The following RANBP2 variants were observed in gnomAD, a reference collection of about 807,000 sequenced individuals.
RANBP2 encodes the protein RAN binding protein 2.
Under a neutral mutation model 303.6 loss-of-function variants are expected in RANBP2, and 57 were observed. The observed-to-expected ratio is 0.19, with a 90% CI of 0.15 to 0.23. The LOEUF (loss-of-function observed/expected upper bound fraction) is 0.23. Among genes scored for constraint, RANBP2 ranks in the 10% least tolerant of loss-of-function variants. RANBP2 has a pLI of 1.00. For synonymous variants in RANBP2, 1,167 were observed against 1,301.5 expected (o/e 0.90, Z 2.23); for missense variants, 3,138 against 3,780.8 (o/e 0.83, Z 4.46).
chr2:109,007,568 A>G, the RANBP2 span, among the ~76,000 whole-genome samples: 1 of 152,226 alleles, frequency 6.6e-6, no homozygotes, highest in Non-Finnish European at 1.5e-5. Context: ...GCTGTTCCAC[A>G]GATATCAGGA....
the RANBP2 span, among the ~76,000 whole-genome samples, chr2:109,722,001 G>A: frequency 6.6e-6 from 1 of 152,234 alleles, no homozygotes; most frequent in Non-Finnish European, 1.5e-5. Context: ...GGAACACAAG[G>A]AAGTCCTATT....
chr2:109,123,755 A>G, the RANBP2 span, among the ~76,000 whole-genome samples: 2 of 152,124 alleles, frequency 1.3e-5, no homozygotes, highest in Non-Finnish European at 2.9e-5. Flanking sequence ...CAGGATGGAG[A>G]GCATGGTGCT....
chr2:108,771,928 G>T, intron 21 of RANBP2, 57 bp downstream of exon 21: 1 of 1,605,324 alleles, frequency 6.2e-7, no homozygotes, highest in South Asian at 1.1e-5. Context: ...GTAAAATTGG[G>T]AGTATGGTTT....
At chr2:109,354,830 A>G in the RANBP2 span, among the ~76,000 whole-genome samples, 3 of 152,382 alleles carry the variant, frequency 2.0e-5, no homozygotes, top group East Asian at 5.8e-4. Context: ...AAGAGCTAGT[A>G]AATGAGTTTA....
chr2:109,051,009 C>T, the RANBP2 span, among the ~76,000 whole-genome samples: 1 of 152,106 alleles, frequency 6.6e-6, no homozygotes, highest in East Asian at 1.9e-4. Context: ...TTCCTCTGCC[C>T]CAGTTCTCCT....
chr2:109,693,363 G>C, the RANBP2 span, among the ~76,000 whole-genome samples: 1 of 151,860 alleles, frequency 6.6e-6, no homozygotes, highest in Non-Finnish European at 1.5e-5. Context: ...TAGTAGAGAC[G>C]GGGTTTCACT....
the RANBP2 span, among the ~76,000 whole-genome samples, chr2:109,062,970 G>T: frequency 6.6e-6 from 1 of 152,164 alleles, no homozygotes; most frequent in African/African-American, 2.4e-5. Flanking sequence ...CGCTGACCCT[G>T]TGCCAGAAGA....
At chr2:109,216,738 C>G in the RANBP2 span, among the ~76,000 whole-genome samples, 1 of 152,218 alleles carries the variant, frequency 6.6e-6, no homozygotes, top group African/African-American at 2.4e-5. Context: ...TTGCTAGGAC[C>G]TGATTTAAAT....
chr2:108,814,659 T>G, the RANBP2 span, among the ~76,000 whole-genome samples: 3 of 151,224 alleles, frequency 2.0e-5, no homozygotes, highest in Non-Finnish European at 4.4e-5. Context: ...TTTTTTAATT[T>G]ATTAATATTT....
At chr2:109,248,465 T>G in the RANBP2 span, among the ~76,000 whole-genome samples, 1 of 152,242 alleles carries the variant, frequency 6.6e-6, no homozygotes, top group Non-Finnish European at 1.5e-5. Flanking sequence ...ATTTTCTCAC[T>G]GCATCAAAGT....
chr2:109,279,713 C>T, the RANBP2 span, among the ~76,000 whole-genome samples: 12 of 151,848 alleles, frequency 7.9e-5, no homozygotes, highest in Non-Finnish European at 1.8e-4. Context: ...TGCCAGCTTG[C>T]GTTTCTTTTG....
At chr2:109,160,958 G>T in the RANBP2 span, among the ~76,000 whole-genome samples, 2 of 152,158 alleles carry the variant, frequency 1.3e-5, no homozygotes, top group Admixed American at 6.5e-5. Flanking sequence ...TGAGAGGAGG[G>T]CGTGGCAGGG....
the RANBP2 span, among the ~76,000 whole-genome samples, chr2:109,092,444 T>C: frequency 6.6e-6 from 1 of 152,226 alleles, no homozygotes; most frequent in Non-Finnish European, 1.5e-5. Context: ...TGTTTTGTTA[T>C]GTATATTTTG....
At chr2:109,620,851 A>G in the RANBP2 span, among the ~76,000 whole-genome samples, 1 of 152,354 alleles carries the variant, frequency 6.6e-6, no homozygotes, top group African/African-American at 2.4e-5. Context: ...GAGCAAATGA[A>G]TAGGGAAATG....
the RANBP2 span, chr2:109,614,699 C>G: frequency 1.3e-6 from 2 of 1,488,556 alleles, no homozygotes; most frequent in Non-Finnish European, 1.8e-6. Context: ...GCGTCGATCC[C>G]GCCGACGGCG....
Position 108,768,032 on chromosome 2 carries a change from C to T in RANBP2, c.7493C>T (p.Ser2498Phe). 1 of 1,611,996 alleles carries T rather than the reference C, an allele frequency of 6.2e-7. No homozygotes were observed. Among genetic ancestry groups the T allele is most frequent in the South Asian group, 1.1e-5 (1 of 90,984 alleles). The change falls in exon 20 of 29, where the codon TCT becomes TTT. Residue 2498 changes from serine to phenylalanine, a missense_variant. Ser to Phe is a radical substitution (Grantham distance 155). Transcript: ENST00000283195. ...GATGCAACTTCAGAAGTTGAAGTGTCTAGCACATCTGAAACAACACCAAAA... is the reference window on the plus strand; with the variant it reads ...GATGCAACTTCAGAAGTTGAAGTGTTTAGCACATCTGAAACAACACCAAAA... ...VADATSEVEV[S>F]STSETTPKAV...
chr2:109,157,758 A>G, the RANBP2 span, among the ~76,000 whole-genome samples: 1 of 152,226 alleles, frequency 6.6e-6, no homozygotes, highest in East Asian at 1.9e-4. Flanking sequence ...GATGTCATCA[A>G]CAGGGACTTT....
the RANBP2 span, among the ~76,000 whole-genome samples, chr2:109,298,970 C>T: frequency 5.3e-5 from 8 of 152,220 alleles, no homozygotes; most frequent in South Asian, 2.1e-4. Context: ...CCGTATGACA[C>T]GGCCCACGCC....
the RANBP2 span, among the ~76,000 whole-genome samples, chr2:109,070,979 C>T: frequency 6.6e-6 from 1 of 152,102 alleles, no homozygotes; most frequent in Non-Finnish European, 1.5e-5. Flanking sequence ...TTCCTGAGGC[C>T]TCACCAGGAG....
Sources: allele counts gnomAD v4.1 joint callset (sites outside exome capture counted in the v4.1 genomes callset), GRCh38; gene constraint gnomAD v4.1.1; transcripts MANE v1.5; gene names NCBI Gene and HGNC (gene_info 2026-07-23, HGNC 2026-07-21).